The following ANO2 variants were observed in gnomAD, a reference collection of about 807,000 sequenced individuals.
The protein encoded by ANO2 is anoctamin 2.
A neutral mutation model predicts 124.2 loss-of-function variants in ANO2; 101 were observed. The observed-to-expected ratio is 0.81, with a 90% CI of 0.69 to 0.96. ANO2 has a LOEUF of 0.96. Among genes scored for constraint, ANO2 ranks in the 40% least tolerant of loss-of-function variants. The probability of loss-of-function intolerance (pLI) is 0.00; values close to 1 mark genes in which losing one functional copy is unlikely to be tolerated. For missense variants in ANO2, 1,293 were observed against 1,274.5 expected (o/e 1.01, Z -0.22); for synonymous variants, 486 against 482.5 (o/e 1.01, Z -0.09).
At chr12:5,759,152 C>CAAA (rs34935879) in intron 10 of ANO2, among the ~76,000 whole-genome samples, 2 of 137,000 alleles carry the variant, frequency 1.5e-5, no homozygotes, top group Non-Finnish European at 3.1e-5. Context: ...CCAAAAGTTA[C>CAAA]AAAAAAAAAA....
chr12:5,923,958 C>A (rs969713968), intron 1 of ANO2, among the ~76,000 whole-genome samples: 1 of 152,200 alleles, frequency 6.6e-6, no homozygotes, highest in African/African-American at 2.4e-5. Flanking sequence ...CTCAAACTTG[C>A]AGGATTGCAG....
chr12:5,681,606 T>G (rs1948493575), intron 14 of ANO2, among the ~76,000 whole-genome samples: 1 of 152,184 alleles, frequency 6.6e-6, no homozygotes, highest in South Asian at 2.1e-4. Flanking sequence ...GCATTAAAAG[T>G]TAATGAACAA....
intron 1 of ANO2, among the ~76,000 whole-genome samples, chr12:5,926,458 G>C (rs1358252123): frequency 6.6e-6 from 1 of 152,178 alleles, no homozygotes; most frequent in Middle Eastern, 3.4e-3. Flanking sequence ...ATTCTGCCCC[G>C]CCAGTCTCCA....
At chr12:5,569,254 C>A (rs1003804047) in intron 23 of ANO2, among the ~76,000 whole-genome samples, 5 of 152,194 alleles carry the variant, frequency 3.3e-5, no homozygotes, top group Admixed American at 6.5e-5. Flanking sequence ...CCACAACAGA[C>A]CCGTTCCCAT....
At chr12:5,877,809 T>C (rs192751456) in intron 3 of ANO2, among the ~76,000 whole-genome samples, 10 of 152,314 alleles carry the variant, frequency 6.6e-5, no homozygotes, top group African/African-American at 2.4e-4. Flanking sequence ...ACGCACAACC[T>C]AGATTCCTAG....
At chr12:5,660,131 C>A (rs1947365684) in intron 14 of ANO2, among the ~76,000 whole-genome samples, 1 of 152,090 alleles carries the variant, frequency 6.6e-6, no homozygotes, top group Non-Finnish European at 1.5e-5. Flanking sequence ...GTTTATCAGG[C>A]CATTAAATGC....
Position 5,635,699 on chromosome 12 carries a change from T to C in ANO2, c.1621-352A>G, listed in dbSNP as rs958443171. Among the ~76,000 whole-genome samples the C allele has an allele frequency of 1.6e-4, 24 of 152,146 alleles. No homozygotes were observed. Among genetic ancestry groups the C allele is most frequent in the African/African-American group, 5.8e-4 (24 of 41,496 alleles). On this transcript the variant is annotated intron_variant, in intron 15 of 24. Coordinates refer to ENST00000682330, the MANE Select transcript of ANO2 (RefSeq NM_001364791.2). The surrounding 1 kb of genome is among the most constrained non-coding windows in gnomAD (Gnocchi z 5.2). ...GACGCAATTTCTTTCATTAGGGAGC[T>C]TTTGATCTTCTAAAGAGATAACATG...
intron 3 of ANO2, among the ~76,000 whole-genome samples, chr12:5,914,710 A>G (rs2136295911): frequency 6.6e-6 from 1 of 152,284 alleles, no homozygotes. Flanking sequence ...TTCCAATTTC[A>G]GCTATCTAGC....
Position 5,780,527 on chromosome 12 carries a change from C to T in ANO2, c.1055+18980G>A, listed in dbSNP as rs1402730774. Among the ~76,000 whole-genome samples the T allele has an allele frequency of 2.0e-5, 3 of 152,216 alleles. 1 individual carries two copies. The highest frequency in any genetic ancestry group is 1.9e-4 in the East Asian group (1 of 5,208). On this transcript the variant is annotated intron_variant, in intron 10 of 24. Transcript: ENST00000682330. ...TCACAGAAGAAAACAGAGAAACTTC[C>T]ATTAGCACATCCTAGCTCTTAACAC...
chr12:5,876,891 A>G (rs1379358632), intron 3 of ANO2, among the ~76,000 whole-genome samples: 2 of 152,176 alleles, frequency 1.3e-5, no homozygotes, highest in African/African-American at 4.8e-5. Flanking sequence ...ACGGGTTGAT[A>G]GGTGCAGCAA....
intron 2 of ANO2, among the ~76,000 whole-genome samples, chr12:5,921,582 G>T (rs1941703929): frequency 6.6e-6 from 1 of 152,032 alleles, no homozygotes; most frequent in South Asian, 2.1e-4. Flanking sequence ...GACAGTCTGG[G>T]CATCGGTGCC....
chr12:5,567,998 G>A (rs1941873382), intron 23 of ANO2, among the ~76,000 whole-genome samples: 1 of 152,142 alleles, frequency 6.6e-6, no homozygotes, highest in African/African-American at 2.4e-5. Flanking sequence ...ATGACCTACA[G>A]TGAGAAATAC....
intron 16 of ANO2, among the ~76,000 whole-genome samples, chr12:5,631,181 G>A (rs977645416): frequency 2.6e-5 from 4 of 152,214 alleles, no homozygotes; most frequent in Non-Finnish European, 5.9e-5. Context: ...ATATATGTGT[G>A]ATGCGGTAAG....
At chr12:5,832,276 G>A (rs1057213996) in intron 5 of ANO2, among the ~76,000 whole-genome samples, 176 bp downstream of exon 5, 2 of 152,192 alleles carry the variant, frequency 1.3e-5, no homozygotes, top group African/African-American at 2.4e-5. Flanking sequence ...CTCACATGGG[G>A]AGGGGGTTCA....
intron 14 of ANO2, among the ~76,000 whole-genome samples, chr12:5,704,390 T>TA (rs1397112373): frequency 6.6e-6 from 1 of 152,186 alleles, no homozygotes; most frequent in Non-Finnish European, 1.5e-5. Flanking sequence ...AACTCGTTCT[T>TA]TACTTTTTAT....
chr12:5,766,511 C>T (rs955839533), intron 10 of ANO2, among the ~76,000 whole-genome samples: 9 of 152,086 alleles, frequency 5.9e-5, no homozygotes, highest in Admixed American at 2.0e-4. Flanking sequence ...ATAATTCTTG[C>T]GTTAGAAGTT....
intron 20 of ANO2, among the ~76,000 whole-genome samples, chr12:5,588,250 C>T (rs934114402): frequency 2.7e-5 from 4 of 148,486 alleles, no homozygotes; most frequent in Non-Finnish European, 4.4e-5. Flanking sequence ...ACACCAGAGG[C>T]GGGGGGCAGC....
At chr12:5,701,650 C>T (rs1180899686) in intron 14 of ANO2, among the ~76,000 whole-genome samples, 1 of 152,194 alleles carries the variant, frequency 6.6e-6, no homozygotes, top group African/African-American at 2.4e-5. Flanking sequence ...GTTTAAGACC[C>T]TCCATGACTC....
intron 14 of ANO2, among the ~76,000 whole-genome samples, chr12:5,668,395 G>GTTTTTTTTTTTTT (rs539092061): frequency 6.7e-6 from 1 of 149,182 alleles, no homozygotes; most frequent in African/African-American, 2.5e-5. Flanking sequence ...ACTTTTTAAT[G>GTTTTTTTTTTTTT]TTTTTTTTTT....
Sources: gnomAD v4.1 joint callset for allele counts (sites outside exome capture counted in the v4.1 genomes callset) on GRCh38, gnomAD v4.1.1 for gene constraint, Gnocchi (gnomAD v3.1) non-coding constraint, MANE v1.5 for transcripts, NCBI Gene and HGNC (gene_info 2026-07-23, HGNC 2026-07-21) for gene names.